Variants in MID1 observed in about 807,000 individuals in gnomAD.
The protein encoded by MID1 is midline 1, also known as E3 ubiquitin-protein ligase Midline-1.
A neutral mutation model predicts 40.4 loss-of-function variants in MID1; 7 were observed. The ratio of observed to expected loss-of-function variants is 0.17; its 90% CI spans 0.10 to 0.33. The LOEUF is 0.33. Ranked by LOEUF, MID1 falls within the 10% of genes least tolerant of loss-of-function variation. The pLI is 1.00. For synonymous variants in MID1, 229 were observed against 221.2 expected, an observed-to-expected ratio of 1.04 and a Z score of -0.31; for missense variants, 367 against 558.5, an observed-to-expected ratio of 0.66 and a Z score of 3.46.
intron 1 of MID1, among the ~76,000 whole-genome samples, chrX:10,603,495 T>C (rs899474691): frequency 3.9e-4 from 44 of 112,003 alleles, no homozygotes; most frequent in African/African-American, 1.1e-3. Context: ...CTGGTGAGTC[T>C]CTCTTATGAA....
At chrX:10,664,248 A>G (rs1427939685) in intron 1 of MID1, among the ~76,000 whole-genome samples, 9 of 107,551 alleles carry the variant, frequency 8.4e-5, no homozygotes, top group African/African-American at 2.7e-4. Context: ...CACAACCTCC[A>G]CCTCCCGGGT....
At chrX:10,673,645 G>T (rs1440233366) in intron 1 of MID1, among the ~76,000 whole-genome samples, 2 of 111,233 alleles carry the variant, frequency 1.8e-5, no homozygotes, top group Non-Finnish European at 3.8e-5. Flanking sequence ...GTAAGCTATA[G>T]TGAGTTCTCA....
chrX:10,532,882 C>G (rs1001875985), intron 2 of MID1, among the ~76,000 whole-genome samples: 2 of 108,020 alleles, frequency 1.9e-5, no homozygotes, highest in African/African-American at 6.8e-5. Flanking sequence ...ATTCTCCTGC[C>G]TCAGCCTCCC....
At chrX:10,751,415 A>G (rs1261668135) in intron 1 of MID1, among the ~76,000 whole-genome samples, 2 of 111,612 alleles carry the variant, frequency 1.8e-5, no homozygotes, top group African/African-American at 3.3e-5. Context: ...CGAGGTGGGC[A>G]GGTCACTTGC....
chrX:10,736,038 G>A (rs907490134), intron 1 of MID1, among the ~76,000 whole-genome samples: 1 of 112,284 alleles, frequency 8.9e-6, no homozygotes, highest in Non-Finnish European at 1.9e-5. Flanking sequence ...CAAATCAGTT[G>A]TCAAAGAGTT....
chrX:10,734,631 AAAC>A (rs2043475616), intron 1 of MID1, among the ~76,000 whole-genome samples: 1 of 111,208 alleles, frequency 9.0e-6, no homozygotes, highest in Non-Finnish European at 1.9e-5. Flanking sequence ...AAAAAGGAGG[AAAC>A]AACAGGTTCA....
At chrX:10,612,877 A>G (rs1048681464) in intron 1 of MID1, among the ~76,000 whole-genome samples, 1 of 111,528 alleles carries the variant, frequency 9.0e-6, no homozygotes, top group Non-Finnish European at 1.9e-5. Context: ...TCTCCCTCAT[A>G]CCTTGCTCCC....
At chrX:10,455,120 A>G in intron 8 of MID1, 43 bp from the exon 9 acceptor site, 6 of 1,092,373 alleles carry the variant, frequency 5.5e-6, no homozygotes, top group African/African-American at 1.8e-5. Flanking sequence ...GAGGAAGAGG[A>G]TTGTTTATTT....
At chrX:10,750,852 A>C (rs1020408903) in intron 1 of MID1, among the ~76,000 whole-genome samples, 1 of 110,551 alleles carries the variant, frequency 9.0e-6, no homozygotes, top group Non-Finnish European at 1.9e-5. Flanking sequence ...ATTTAGAAGC[A>C]TATTTGTGAA....
intron 1 of MID1, among the ~76,000 whole-genome samples, chrX:10,571,248 T>C (rs1191734285): frequency 1.8e-5 from 2 of 112,265 alleles, no homozygotes; most frequent in Non-Finnish European, 3.8e-5. Flanking sequence ...CAGCCAATTT[T>C]CTAAATCTTT....
At chrX:10,621,216 G>GA (rs200089276), upstream of MID1, among the ~76,000 whole-genome samples, 764 of 106,755 alleles carry the variant, frequency 7.2e-3, 5 homozygotes, top group Middle Eastern at 0.043. Context: ...ATTTTGTTCA[G>GA]AAAAAAAAAA....
intron 9 of MID1, 87 bp downstream of exon 9, chrX:10,454,783 G>T: frequency 1.3e-6 from 1 of 788,591 alleles, no homozygotes; most frequent in Non-Finnish European, 2.0e-6. Context: ...TATTCTTTAA[G>T]ATGCATTACA....
rs748399428 is a variant in MID1 at position 10,474,697 on chromosome X, T to C, written c.1067A>G (p.Asn356Ser). Residue 356 changes from asparagine to serine, a missense_variant, in exon 6 of 10, where the codon AAT becomes AGT. Asn to Ser is a conservative substitution (Grantham distance 46, BLOSUM62 1). Coordinates refer to ENST00000317552, the MANE Select transcript of MID1 (RefSeq NM_000381.4). ...TAAGGCAAAGGTGTCAAATGTGTCA[T>C]TGAGGTTGATTTCAGGAATTAGAAC... ...SQVLIPEINL[N>S]DTFDTFALDF... 1.4e-5 allele frequency: 17 copies of C among 1,206,046 alleles called. No individual in the cohort carries two copies. In the African/African-American group the frequency reaches 2.1e-4, roughly 15 times the overall value.
intron 1 of MID1, among the ~76,000 whole-genome samples, chrX:10,718,698 G>A (rs947029353): frequency 8.9e-6 from 1 of 111,829 alleles, no homozygotes; most frequent in African/African-American, 3.3e-5. Context: ...CTCATTTTAT[G>A]AGGCCAGCAT....
chrX:10,829,561 A>G (rs1181032230), intron 1 of MID1, among the ~76,000 whole-genome samples: 2 of 112,241 alleles, frequency 1.8e-5, no homozygotes, highest in African/African-American at 6.5e-5. Flanking sequence ...ATTAATATTT[A>G]TAGTAACTCA....
At chrX:10,543,668 C>T (rs1158309702) in intron 2 of MID1, among the ~76,000 whole-genome samples, 1 of 109,481 alleles carries the variant, frequency 9.1e-6, no homozygotes, top group East Asian at 2.9e-4. Context: ...CATGGTGAAA[C>T]GCGGTCTCTA....
At chrX:10,613,408 A>AT (rs1457435779) in intron 1 of MID1, among the ~76,000 whole-genome samples, 1 of 109,273 alleles carries the variant, frequency 9.2e-6, no homozygotes, top group African/African-American at 3.3e-5. Flanking sequence ...CACCATCTAC[A>AT]TGGAGAAGGC....
intron 1 of MID1, among the ~76,000 whole-genome samples, chrX:10,575,257 T>G (rs112623955): frequency 8.9e-6 from 1 of 111,961 alleles, no homozygotes; most frequent in Non-Finnish European, 1.9e-5. Context: ...GGTGAAATAT[T>G]TTTTAAAGAC....
rs138673840 is a variant in MID1 at position 10,738,182 on chromosome X, G to A, written c.-187+95372C>T. 3.6e-5 allele frequency among the ~76,000 whole-genome samples: 4 copies of A among 112,180 alleles called. No homozygotes were observed. The East Asian group carries it at 8.5e-4, about 24-fold the overall frequency. On this transcript the variant is annotated intron_variant, in intron 1 of 10. Coordinates refer to the MID1 transcript ENST00000380785. ...CTCTGCACAAGGGCCCTCTTGCACC[G>A]TTAATGAATTGTAAAAAACATTATG...
Sources: allele counts gnomAD v4.1 joint callset (sites outside exome capture counted in the v4.1 genomes callset), GRCh38; gene constraint gnomAD v4.1.1; transcripts MANE v1.5; gene names NCBI Gene and HGNC (gene_info 2026-07-23, HGNC 2026-07-21).